The following VPS13D variants were observed in gnomAD, a reference collection of about 807,000 sequenced individuals.
The protein encoded by VPS13D is intermembrane lipid transfer protein VPS13D.
Under a neutral mutation model 461.9 loss-of-function variants are expected in VPS13D, and 187 were observed. The observed-to-expected ratio is 0.40, with a 90% confidence interval of 0.36 to 0.46. VPS13D has a LOEUF of 0.46. VPS13D is among the 20% of genes least tolerant of loss of function. VPS13D has a pLI of 0.60. For missense variants in VPS13D, 4,711 were observed against 5,364.9 expected (o/e 0.88, Z 3.81); for synonymous variants, 1,951 against 1,986.3 (o/e 0.98, Z 0.47).
At chr1:12,268,098 T>G (rs1641327008) in intron 15 of VPS13D, among the ~76,000 whole-genome samples, 178 bp downstream of exon 15, 1 of 151,940 alleles carries the variant, frequency 6.6e-6, no homozygotes, top group Non-Finnish European at 1.5e-5. Flanking sequence ...TACTGGTGTG[T>G]GCCACCATGT....
At chr1:12,263,875 C>T (rs188651161) in intron 13 of VPS13D, among the ~76,000 whole-genome samples, 29 of 152,304 alleles carry the variant, frequency 1.9e-4, no homozygotes, top group African/African-American at 6.7e-4. Flanking sequence ...GATACAGGCA[C>T]ACTTGATTTT....
intron 1 of VPS13D, among the ~76,000 whole-genome samples, chr1:12,230,468 T>A (rs1639926562): frequency 6.6e-6 from 1 of 152,038 alleles, no homozygotes; most frequent in South Asian, 2.1e-4. Context: ...CCCGGCACAC[T>A]TTCCGGGGTC....
intron 24 of VPS13D, 119 bp downstream of exon 24, chr1:12,293,823 G>C: frequency 3.9e-6 from 4 of 1,021,946 alleles, no homozygotes; most frequent in Non-Finnish European, 4.1e-6. Context: ...TATGTTCTCC[G>C]TGTAGATTAG....
intron 54 of VPS13D, among the ~76,000 whole-genome samples, chr1:12,373,270 G>A (rs926566412): frequency 1.7e-4 from 26 of 151,674 alleles, no homozygotes; most frequent in African/African-American, 6.3e-4. Context: ...ACAGGGGCCT[G>A]CCTCCATGCC....
At chr1:12,260,214 A>G (rs1468230556) in intron 10 of VPS13D, among the ~76,000 whole-genome samples, 1 of 151,442 alleles carries the variant, frequency 6.6e-6, no homozygotes, top group East Asian at 1.9e-4. Context: ...TTTAGTAGAG[A>G]CGGGGTTTCA....
At position 12,304,804 on chromosome 1, in the gene VPS13D, G is replaced by A. The variant is rs188659171; in HGVS notation, c.6439+76G>A. On this transcript the variant is annotated intron_variant, in intron 26 of 69. Transcript: ENST00000620676. ...ACTGTTGAGGAAACTGAGGGGGGTG[G>A]GCATTGTGTTCAAGCAAATGTTAAC... The A allele has an allele frequency of 5.0e-4, 703 of 1,411,014 alleles. 5 individuals are homozygous for A. The East Asian group carries it at 0.015, about 30-fold the overall frequency. The allele number at this position is 1,411,014 out of a possible 1,614,324, so 87.4% of individuals were successfully genotyped here.
chr1:12,343,416 C>T (rs546952725), intron 42 of VPS13D, among the ~76,000 whole-genome samples: 20 of 152,172 alleles, frequency 1.3e-4, no homozygotes, highest in Middle Eastern at 6.8e-3. Context: ...TCAAGTGATC[C>T]GCTTCGGCTT....
At chr1:12,372,266 G>T (rs1162100509) in intron 54 of VPS13D, among the ~76,000 whole-genome samples, 1 of 151,950 alleles carries the variant, frequency 6.6e-6, no homozygotes, top group African/African-American at 2.4e-5. Flanking sequence ...TCACTATTTT[G>T]CCCAGGCTGG....
At chr1:12,458,939 A>G (rs1054451819) in intron 66 of VPS13D, among the ~76,000 whole-genome samples, 44 of 152,238 alleles carry the variant, frequency 2.9e-4, no homozygotes, top group African/African-American at 1.0e-3. Context: ...AACTGACTCC[A>G]TTGAGGGTCC....
chr1:12,280,930 T>G (rs1252945512), intron 20 of VPS13D, among the ~76,000 whole-genome samples: 1 of 151,780 alleles, frequency 6.6e-6, no homozygotes, highest in Admixed American at 6.5e-5. Context: ...AGTAATTAAT[T>G]TAATAATTTA....
In VPS13D at chr1:12,242,494, A is replaced by T; in HGVS notation, c.98-19A>T. ...GTATTTGTTAAATGGATATTTCATG[A>T]TGCTGTTTTTATTTTTAGGTGCTGT... On this transcript the variant is annotated intron_variant, in intron 2 of 69. Transcript: ENST00000620676. 1.2e-6 allele frequency: 2 copies of T among 1,608,268 alleles called. No homozygotes were observed. The highest frequency in any genetic ancestry group is 2.2e-5 in the South Asian group (2 of 90,944).
rs529509414 is a variant in VPS13D at position 12,473,408 on chromosome 1, C to T, written c.12662+13012C>T. Reference sequence around the variant, plus strand: ...GGGGTTCCGCAGCACTGGCTGCTTCCGGCATCTGCAGTGCGAGGGTAAACA... The same window carrying T: ...GGGGTTCCGCAGCACTGGCTGCTTCTGGCATCTGCAGTGCGAGGGTAAACA... On this transcript the variant is annotated intron_variant, in intron 67 of 69. Coordinates refer to ENST00000620676, the MANE Select transcript of VPS13D (RefSeq NM_015378.4). This position sits in a 1 kb window ranked among gnomAD's most constrained non-coding sequence, Gnocchi z 4.2. Among the ~76,000 whole-genome samples, 2 of 152,278 alleles carry T rather than the reference C, an allele frequency of 1.3e-5. No individual in the cohort carries two copies. Among genetic ancestry groups the T allele is most frequent in the African/African-American group, 2.4e-5 (1 of 41,566 alleles).
Position 12,323,826 on chromosome 1 carries a change from T to C in VPS13D, c.7990+46T>C, listed in dbSNP as rs372023673. ...TTACCCGTTGTTTATCTTGATGATA[T>C]GCTTCCTTCCCATTTCCTCTCTTAC... On this transcript the variant is annotated intron_variant, in intron 35 of 69. Coordinates refer to ENST00000620676, the MANE Select transcript of VPS13D (RefSeq NM_015378.4). 2.7e-5 allele frequency: 43 copies of C among 1,583,312 alleles called. No homozygotes were observed. The African/African-American group carries it at 4.2e-4, about 15-fold the overall frequency.
Position 12,403,841 on chromosome 1 carries a change from T to A in VPS13D, c.11898T>A (p.Asp3966Glu), listed in dbSNP as rs1644612652. ...TTGTACCAGAGGTGGAAAAATATGA[T>A]GAAAACCTCCATGAAAAGACAGCTG... is the stretch of plus-strand genomic sequence containing the variant. ...DQAESEVEKY[D>E]ENLHEKTAEQ... The change falls in exon 63 of 70, where the codon GAT becomes GAA. Residue 3966 changes from aspartate to glutamate, a missense_variant. Coordinates refer to ENST00000620676, the MANE Select transcript of VPS13D (RefSeq NM_015378.4). 1 of 1,600,360 alleles carries A rather than the reference T, an allele frequency of 6.2e-7. No homozygotes were observed. Among genetic ancestry groups the A allele is most frequent in the African/African-American group, 1.3e-5 (1 of 74,104 alleles).
intron 65 of VPS13D, among the ~76,000 whole-genome samples, chr1:12,445,421 G>A (rs1435601743): frequency 1.3e-5 from 2 of 152,172 alleles, no homozygotes; most frequent in African/African-American, 4.8e-5. Flanking sequence ...CCATAGTCCA[G>A]GACTTTTCAG....
In VPS13D at chr1:12,277,329, C is replaced by T. The variant is rs1215774689; in HGVS notation, c.3741C>T (p.Ile1247=). The T allele has an allele frequency of 1.2e-6, 2 of 1,614,190 alleles. No homozygotes were observed. Among genetic ancestry groups the T allele is most frequent in the Non-Finnish European group, 8.5e-7 (1 of 1,180,036 alleles). ...SIGNSVGYEN[I]ISDIGYFESV... ...GGAATTCTGTAGGCTATGAAAATATCATCAGTGATATTGGCTACTTTGAAT... is the reference window on the plus strand; with the variant it reads ...GGAATTCTGTAGGCTATGAAAATATTATCAGTGATATTGGCTACTTTGAAT... The change falls in exon 19 of 70, where the codon ATC becomes ATT. Residue 1247 remains isoleucine, a synonymous_variant. Coordinates refer to ENST00000620676, the MANE Select transcript of VPS13D (RefSeq NM_015378.4).
In VPS13D at chr1:12,266,904, CT is replaced by C; in HGVS notation, c.1620del (p.Pro541LeufsTer30). ...FSDVKLLAESLPRRNSSLLSV... is the reference protein window; with the variant it reads ...FSDVKLLAESXPRRNSSLLSV... Reference sequence around the variant, plus strand: ...AGATGTAAAACTTCTAGCAGAGTCTCTTCCTCGAAGAAATTCCTCGTTGCTT... The same window carrying C: ...AGATGTAAAACTTCTAGCAGAGTCTCTCCTCGAAGAAATTCCTCGTTGCTT... On this transcript the variant is annotated frameshift_variant, in exon 14 of 70. Transcript: ENST00000620676. LOFTEE classifies it high-confidence loss of function. The C allele has an allele frequency of 6.2e-7, 1 of 1,603,432 alleles. No homozygotes were observed. Among genetic ancestry groups the C allele is most frequent in the Non-Finnish European group, 8.5e-7 (1 of 1,176,274 alleles).
Position 12,323,794 on chromosome 1 carries a change from G to T in VPS13D, c.7990+14G>T. On this transcript the variant is annotated intron_variant, in intron 35 of 69. Transcript: ENST00000620676. ...TGGCGTGTCAAGGTAATTTGAACAG[G>T]GTTCTGTTACCCGTTGTTTATCTTG... is the stretch of plus-strand genomic sequence containing the variant. 1.2e-6 allele frequency: 2 copies of T among 1,613,156 alleles called. No homozygotes were observed. Among genetic ancestry groups the T allele is most frequent in the South Asian group, 2.2e-5 (2 of 90,898 alleles).
intron 15 of VPS13D, among the ~76,000 whole-genome samples, chr1:12,268,249 C>G (rs1176333553): frequency 9.9e-6 from 1 of 100,738 alleles, no homozygotes; most frequent in South Asian, 3.2e-4. Flanking sequence ...CATGCCTGAG[C>G]TTTTTTTTTT....
Sources: gnomAD v4.1 joint callset for allele counts (sites outside exome capture counted in the v4.1 genomes callset) on GRCh38, gnomAD v4.1.1 for gene constraint, Gnocchi (gnomAD v3.1) non-coding constraint, MANE v1.5 for transcripts, NCBI Gene and HGNC (gene_info 2026-07-23, HGNC 2026-07-21) for gene names.